KCTD9: variants seen among roughly 807,000 people sequenced by gnomAD.
KCTD9 encodes the protein BTB/POZ domain-containing protein KCTD9.
In KCTD9, 17 loss-of-function variants were observed where a neutral mutation model predicts 53.3. That is an observed-to-expected ratio of 0.32 (90% CI 0.22 to 0.48). The LOEUF (loss-of-function observed/expected upper bound fraction) is 0.48, where lower values mean the gene tolerates loss of function less well. KCTD9 is among the 20% of genes least tolerant of loss of function. The probability of loss-of-function intolerance (pLI) is 0.99; values close to 1 mark genes in which losing one functional copy is unlikely to be tolerated. For missense variants in KCTD9, 179 were observed against 465.5 expected (o/e 0.38, Z 5.66); for synonymous variants, 128 against 162.7 (o/e 0.79, Z 1.62).
At chr8:25,452,596 T>A (rs1802348644) in intron 1 of KCTD9, among the ~76,000 whole-genome samples, 1 of 152,130 alleles carries the variant, frequency 6.6e-6, no homozygotes, top group Non-Finnish European at 1.5e-5. Context: ...TCTCAAGTCC[T>A]CCTCCTCCTC....
intron 4 of KCTD9, among the ~76,000 whole-genome samples, chr8:25,439,976 A>G (rs1294649643): frequency 6.6e-6 from 1 of 152,162 alleles, no homozygotes; most frequent in Non-Finnish European, 1.5e-5. Context: ...CCCTTTAATA[A>G]AAGCAGTTGT....
At position 25,446,981 on chromosome 8, in the gene KCTD9, G is replaced by A. The variant is rs893701649; in HGVS notation, c.49-731C>T. 2.6e-5 allele frequency among the ~76,000 whole-genome samples: 4 copies of A among 152,216 alleles called. No individual in the cohort carries two copies. In the South Asian group the frequency reaches 6.2e-4, roughly 24 times the overall value. On this transcript the variant is annotated intron_variant, in intron 1 of 11. Coordinates refer to ENST00000221200, the MANE Select transcript of KCTD9 (RefSeq NM_017634.4). ...CATGCAACTGTCTAAGCAGGGTGCTGAGAATTTCTACATGTAAGTGAATTT... is the reference window on the plus strand; with the variant it reads ...CATGCAACTGTCTAAGCAGGGTGCTAAGAATTTCTACATGTAAGTGAATTT...
At chr8:25,450,086 A>G (rs1802291405) in intron 1 of KCTD9, among the ~76,000 whole-genome samples, 2 of 152,226 alleles carry the variant, frequency 1.3e-5, no homozygotes, top group South Asian at 4.1e-4. Flanking sequence ...TGTAGGCTGT[A>G]AAACTACTAA....
At chr8:25,430,046 T>C in intron 11 of KCTD9, 73 bp from the exon 12 acceptor site, 1 of 843,424 alleles carries the variant, frequency 1.2e-6, no homozygotes, top group South Asian at 1.4e-5. Context: ...CTCAAAATGA[T>C]TTCTGGGGCA....
intron 6 of KCTD9, 44 bp from the exon 7 acceptor site, chr8:25,436,529 T>C: frequency 8.8e-7 from 1 of 1,139,506 alleles, no homozygotes; most frequent in South Asian, 1.4e-5. Context: ...ATTTAGTGAA[T>C]GTATTACATT....
At position 25,450,360 on chromosome 8, in the gene KCTD9, A is replaced by C. The variant is rs986072590; in HGVS notation, c.49-4110T>G. The C allele has an allele frequency of 6.2e-5, 61 of 985,232 alleles. 1 individual carries two copies. In the Admixed American group the frequency reaches 9.8e-4, roughly 16 times the overall value. The allele number at this position is 985,232 out of a possible 1,614,324, so 61.0% of individuals were successfully genotyped here. A position where few individuals can be genotyped will look rare whatever the true frequency, so the allele number is the denominator to read the frequency against. ...GAGCTGTTCTACTAATAACCGCCAT[A>C]GGTTCAAATGGTACATTACCTGGCT... On this transcript the variant is annotated intron_variant, in intron 1 of 11. Coordinates refer to ENST00000221200, the MANE Select transcript of KCTD9 (RefSeq NM_017634.4).
Position 25,432,630 on chromosome 8 carries a change from A to G in KCTD9, c.927T>C (p.Asn309=). 6.2e-7 allele frequency: 1 copy of G among 1,612,274 alleles called. No individual in the cohort carries two copies. Among genetic ancestry groups the G allele is most frequent in the Non-Finnish European group, 8.5e-7 (1 of 1,179,108 alleles). ...TTCCTTCCATATCCACACCTTTCAG[A>G]TTAGCACCTACAGTGAACACATTCT... ...SGLKANLEGA[N]LKGVDMEGSQ... is the part of the protein sequence containing the mutation. The change falls in exon 11 of 12, where the codon AAT becomes AAC. Residue 309 remains asparagine, a synonymous_variant. Transcript: ENST00000221200.
intron 1 of KCTD9, among the ~76,000 whole-genome samples, chr8:25,448,930 GAAA>G (rs1164498310): frequency 6.7e-6 from 1 of 150,222 alleles, no homozygotes; most frequent in Admixed American, 6.7e-5. Context: ...AAAAAAAAAA[GAAA>G]AAAAAGCCTG....
intron 2 of KCTD9, among the ~76,000 whole-genome samples, chr8:25,444,575 T>G (rs1315504292): frequency 6.6e-6 from 1 of 152,128 alleles, no homozygotes; most frequent in Non-Finnish European, 1.5e-5. Flanking sequence ...GGGAAAAAAA[T>G]CTCCTTACAC....
Position 25,458,402 on chromosome 8 carries a change from T to C in KCTD9, c.-156A>G, listed in dbSNP as rs561602529. ...TTGGGGACACACCACACGCACGCACTCTGTCCCACACCCAAGGTTCGGCCG... is the reference window on the plus strand; with the variant it reads ...TTGGGGACACACCACACGCACGCACCCTGTCCCACACCCAAGGTTCGGCCG... On this transcript the variant is annotated 5_prime_UTR_variant, in exon 1 of 12. Coordinates refer to ENST00000221200, the MANE Select transcript of KCTD9 (RefSeq NM_017634.4). 8 of 803,028 alleles carry C rather than the reference T, an allele frequency of 1.0e-5. No homozygotes were observed. The Admixed American group carries it at 1.3e-4, about 13-fold the overall frequency. The allele number at this position is 803,028 out of a possible 1,614,324, so 49.7% of individuals were successfully genotyped here.
intron 4 of KCTD9, 75 bp downstream of exon 4, chr8:25,440,502 C>A: frequency 1.0e-6 from 1 of 962,926 alleles, no homozygotes; most frequent in Non-Finnish European, 1.7e-6. Context: ...TTAAGGAAAT[C>A]AGCAAATTGA....
chr8:25,437,096 A>T (rs531724195), intron 6 of KCTD9, among the ~76,000 whole-genome samples: 1 of 152,212 alleles, frequency 6.6e-6, no homozygotes, highest in Non-Finnish European at 1.5e-5. Flanking sequence ...ACCAAACTCT[A>T]TGGTCAACAA....
chr8:25,457,861 A>T (rs1420171249), intron 1 of KCTD9: 1 of 192,024 alleles, frequency 5.2e-6, no homozygotes, highest in Non-Finnish European at 1.1e-5. Flanking sequence ...GAGAGGCGGG[A>T]AGAGGCGCGA....
At position 25,436,310 on chromosome 8, in the gene KCTD9, A is replaced by G. The variant is rs762253052; in HGVS notation, c.588T>C (p.Asp196=). 7 of 1,612,614 alleles carry G rather than the reference A, an allele frequency of 4.3e-6. No homozygotes were observed. The highest frequency in any genetic ancestry group is 5.1e-6 in the Non-Finnish European group (6 of 1,179,452). The part of the protein sequence containing the change: ...VAIKNSQPPE[D]HSPISRKEFV... The stretch of plus-strand genomic sequence containing the variant: ...ATTCCTTTCGGGATATTGGTGAATG[A>G]TCCTCCGGTGGTTGAGAATTCTTAA... The change falls in exon 8 of 12, where the codon GAT becomes GAC. Residue 196 remains aspartate (D), a synonymous_variant. Coordinates refer to ENST00000221200, the MANE Select transcript of KCTD9 (RefSeq NM_017634.4).
Position 25,446,257 on chromosome 8 carries a change from A to T in KCTD9, c.49-7T>A. ...TTCCATATACAGCAACCACCTGTAA[A>T]CACACCAGAATAATATGAACAATTT... On this transcript the variant is annotated splice_polypyrimidine_tract_variant and splice_region_variant and intron_variant, in intron 1 of 11. Coordinates refer to ENST00000221200, the MANE Select transcript of KCTD9 (RefSeq NM_017634.4). 6.2e-7 allele frequency: 1 copy of T among 1,613,690 alleles called. No homozygotes were observed. The highest frequency in any genetic ancestry group is 8.5e-7 in the Non-Finnish European group (1 of 1,179,706).
chr8:25,445,443 A>T (rs751095753), intron 2 of KCTD9, among the ~76,000 whole-genome samples: 12 of 152,078 alleles, frequency 7.9e-5, no homozygotes, highest in East Asian at 1.9e-4. Context: ...CATCACTGAT[A>T]AAAAAAACTC....
At chr8:25,455,818 T>A (rs539866527) in intron 1 of KCTD9, among the ~76,000 whole-genome samples, 7 of 152,208 alleles carry the variant, frequency 4.6e-5, no homozygotes, top group Non-Finnish European at 1.0e-4. Flanking sequence ...ACCAGCTGAA[T>A]GTTCAGTGAC....
Position 25,457,960 on chromosome 8 carries a change from G to A in KCTD9, c.48+239C>T, listed in dbSNP as rs528650282. The stretch of plus-strand genomic sequence containing the variant: ...AGCATCCGGGAGACCCGGAGCCCCC[G>A]GGCCGAACCGCGCCGGCCCCCAGGC... On this transcript the variant is annotated intron_variant, in intron 1 of 11. Transcript: ENST00000221200. Among the ~76,000 whole-genome samples, 10 of 141,508 alleles carry A rather than the reference G, an allele frequency of 7.1e-5. No individual in the cohort carries two copies. The East Asian group carries it at 2.3e-3, about 32-fold the overall frequency. 92.8% of individuals were successfully genotyped at this position (141,508 alleles called of 152,430 possible).
intron 4 of KCTD9, 111 bp downstream of exon 4, chr8:25,440,466 A>G: frequency 1.3e-6 from 1 of 766,478 alleles, no homozygotes; most frequent in Non-Finnish European, 2.3e-6. Context: ...ATCACATAGT[A>G]TATTTAAGCA....
Sources: allele counts gnomAD v4.1 joint callset (sites outside exome capture counted in the v4.1 genomes callset), GRCh38; gene constraint gnomAD v4.1.1; transcripts MANE v1.5; gene names NCBI Gene and HGNC (gene_info 2026-07-23, HGNC 2026-07-21).